DCDC2: variants seen among roughly 807,000 people sequenced by gnomAD.
DCDC2 encodes the protein doublecortin domain-containing protein 2.
A neutral mutation model predicts 50.2 loss-of-function variants in DCDC2; 40 were observed. The observed-to-expected ratio is 0.80, with a 90% CI of 0.62 to 1.04. DCDC2 has a LOEUF of 1.04. Among genes scored for constraint, DCDC2 ranks in the 50% least tolerant of loss-of-function variants. DCDC2 has a pLI of 0.00. For missense variants in DCDC2, 570 were observed against 581.9 expected, an observed-to-expected ratio of 0.98 and a Z score of 0.21; for synonymous variants, 234 against 210.6, an observed-to-expected ratio of 1.11 and a Z score of -0.96.
chr6:24,174,705 C>T lies in DCDC2; in HGVS notation c.*25G>A. 6.7e-7 allele frequency: 1 copy of T among 1,501,004 alleles called. No homozygotes were observed. Among genetic ancestry groups the T allele is most frequent in the Non-Finnish European group, 9.3e-7 (1 of 1,079,354 alleles). 93.0% of individuals were successfully genotyped at this position (1,501,004 alleles called of 1,614,324 possible). A position where few individuals can be genotyped will look rare whatever the true frequency, so the allele number is the denominator to read the frequency against. On this transcript the variant is annotated 3_prime_UTR_variant, in exon 10 of 10. Coordinates refer to ENST00000378454, the MANE Select transcript of DCDC2 (RefSeq NM_016356.5). ...ATAACCCTTCATTTTTCTTGCGATCCATATACTCTCTTTTTAAAAATGTTC... is the reference window on the plus strand; with the variant it reads ...ATAACCCTTCATTTTTCTTGCGATCTATATACTCTCTTTTTAAAAATGTTC...
At chr6:24,180,635 A>G (rs1372659479) in intron 8 of DCDC2, among the ~76,000 whole-genome samples, 1 of 151,684 alleles carries the variant, frequency 6.6e-6, no homozygotes, top group African/African-American at 2.4e-5. Context: ...TGGTGTTAAG[A>G]TCTCATTATT....
chr6:24,353,325 A>T (rs1284211299), intron 2 of DCDC2: 1 of 561,622 alleles, frequency 1.8e-6, no homozygotes, highest in East Asian at 4.3e-5. Flanking sequence ...TGTAGCTAGA[A>T]AAGAGAAAAA....
In DCDC2 at chr6:24,172,103, C is replaced by T. The variant is rs185396049; in HGVS notation, c.*2627G>A. The T allele has an allele frequency of 1.3e-5, 2 of 152,208 alleles. No homozygotes were observed. The highest frequency in any genetic ancestry group is 2.9e-5 in the Non-Finnish European group (2 of 68,042). The allele number at this position is 152,208 out of a possible 1,614,324, so 9.4% of individuals were successfully genotyped here. ...CTGCCACGGAGACCACCATTCTCCA[C>T]AGAGAAAACTGCCACATTTGTGAGG... On this transcript the variant is annotated 3_prime_UTR_variant, in exon 10 of 10. Transcript: ENST00000378454.
intron 8 of DCDC2, among the ~76,000 whole-genome samples, chr6:24,181,167 C>A (rs1761063264): frequency 1.3e-5 from 2 of 152,080 alleles, no homozygotes; most frequent in Non-Finnish European, 2.9e-5. Context: ...CTCACAAAGG[C>A]AGAATGATGG....
At chr6:24,330,308 G>A (rs1165164074) in intron 2 of DCDC2, among the ~76,000 whole-genome samples, 3 of 152,098 alleles carry the variant, frequency 2.0e-5, no homozygotes, top group African/African-American at 7.2e-5. Flanking sequence ...CGGGCTGAAT[G>A]TAACTTCTAC....
chr6:24,346,981 A>G (rs1432307851), intron 2 of DCDC2, among the ~76,000 whole-genome samples: 2 of 152,192 alleles, frequency 1.3e-5, no homozygotes, highest in African/African-American at 4.8e-5. Context: ...CTTGGGAAGA[A>G]AAAGGCTAAG....
chr6:24,264,081 T>C (rs1188472383), intron 7 of DCDC2, among the ~76,000 whole-genome samples: 1 of 152,184 alleles, frequency 6.6e-6, no homozygotes, highest in East Asian at 1.9e-4. Flanking sequence ...GAGAGTGGCA[T>C]GACATATTTA....
chr6:24,357,382 G>A, intron 1 of DCDC2, 76 bp downstream of exon 1: 2 of 1,473,840 alleles, frequency 1.4e-6, no homozygotes, highest in Non-Finnish European at 1.8e-6. Context: ...TGGGGGGGTA[G>A]GGATCTGCAT....
At chr6:24,256,390 A>T (rs911629970) in intron 7 of DCDC2, among the ~76,000 whole-genome samples, 3 of 152,070 alleles carry the variant, frequency 2.0e-5, no homozygotes, top group African/African-American at 4.8e-5. Flanking sequence ...TATATCAACA[A>T]AAAGCTCATT....
chr6:24,204,873 A>T, intron 8 of DCDC2, 129 bp downstream of exon 8: 1 of 818,004 alleles, frequency 1.2e-6, no homozygotes, highest in Non-Finnish European at 1.9e-6. Flanking sequence ...TTTAAGGTTG[A>T]TCAGCCACAT....
intron 7 of DCDC2, among the ~76,000 whole-genome samples, chr6:24,257,639 G>A (rs191786540): frequency 6.6e-5 from 10 of 151,736 alleles, no homozygotes; most frequent in Admixed American, 5.2e-4. Context: ...ACACGCGATC[G>A]AGAAACTCTA....
intron 6 of DCDC2, among the ~76,000 whole-genome samples, chr6:24,279,728 T>C (rs1763432252): frequency 6.6e-6 from 1 of 152,206 alleles, no homozygotes; most frequent in Non-Finnish European, 1.5e-5. Context: ...AAACCCCAGA[T>C]ACATGGCTGA....
intron 1 of DCDC2, 43 bp from the exon 2 acceptor site, chr6:24,353,666 CTT>C (rs1437058713): frequency 8.4e-7 from 1 of 1,191,320 alleles, no homozygotes; most frequent in African/African-American, 1.5e-5. Context: ...CTTTTATAGA[CTT>C]TAAGTCAGTA....
chr6:24,328,923 T>C (rs557459011), intron 2 of DCDC2, among the ~76,000 whole-genome samples: 1 of 152,312 alleles, frequency 6.6e-6, no homozygotes, highest in East Asian at 1.9e-4. Context: ...ATGATAGATA[T>C]TTACTTAATA....
intron 2 of DCDC2, among the ~76,000 whole-genome samples, chr6:24,322,080 T>A (rs1200077721): frequency 2.6e-5 from 4 of 152,244 alleles, no homozygotes; most frequent in Non-Finnish European, 5.9e-5. Context: ...AATAACACTC[T>A]TCTTTCTCTA....
intron 2 of DCDC2, among the ~76,000 whole-genome samples, chr6:24,326,713 G>A (rs930964593): frequency 6.7e-6 from 1 of 148,486 alleles, no homozygotes. Flanking sequence ...CAAAAAATTG[G>A]CCAGGTGTGG....
At chr6:24,294,662 TAAAA>T (rs1763823485) in intron 4 of DCDC2, among the ~76,000 whole-genome samples, 1 of 151,704 alleles carries the variant, frequency 6.6e-6, no homozygotes, top group Admixed American at 6.6e-5. Flanking sequence ...CCTACAGAAA[TAAAA>T]ATAACCATCA....
upstream of DCDC2, among the ~76,000 whole-genome samples, chr6:24,359,003 T>A (rs1340482694): frequency 4.1e-3 from 263 of 64,934 alleles, 6 homozygotes; most frequent in African/African-American, 0.016. Flanking sequence ...TATTATATAT[T>A]TTATATATTA....
At chr6:24,211,446 A>G (rs1173336794) in intron 7 of DCDC2, among the ~76,000 whole-genome samples, 1 of 152,226 alleles carries the variant, frequency 6.6e-6, no homozygotes, top group African/African-American at 2.4e-5. Flanking sequence ...TGATCGTAAG[A>G]AACTGTGAGC....
Sources: gnomAD v4.1 joint callset for allele counts (sites outside exome capture counted in the v4.1 genomes callset) on GRCh38, gnomAD v4.1.1 for gene constraint, MANE v1.5 for transcripts, NCBI Gene and HGNC (gene_info 2026-07-23, HGNC 2026-07-21) for gene names.